The following CTTNBP2NL variants were observed in gnomAD, a reference collection of about 807,000 sequenced individuals.
The protein encoded by CTTNBP2NL is CTTNBP2 N-terminal like.
A neutral mutation model predicts 32.5 loss-of-function variants in CTTNBP2NL; 16 were observed. The ratio of observed to expected loss-of-function variants is 0.49; its 90% CI spans 0.33 to 0.75. The LOEUF (loss-of-function observed/expected upper bound fraction) is 0.75, where lower values mean the gene tolerates loss of function less well. CTTNBP2NL is among the 30% of genes least tolerant of loss of function. The pLI is 0.02. For missense variants in CTTNBP2NL, 645 were observed against 756.0 expected (o/e 0.85, Z 1.72); for synonymous variants, 298 against 289.4 (o/e 1.03, Z -0.30).
intron 3 of CTTNBP2NL, among the ~76,000 whole-genome samples, chr1:112,434,097 A>G (rs1248114119): frequency 6.6e-6 from 1 of 152,188 alleles, no homozygotes; most frequent in Non-Finnish European, 1.5e-5. Flanking sequence ...ATACATAAAA[A>G]GATATTTCCT....
chr1:112,398,667 A>G (rs1267386049), intron 1 of CTTNBP2NL, among the ~76,000 whole-genome samples: 1 of 151,918 alleles, frequency 6.6e-6, no homozygotes, highest in Non-Finnish European at 1.5e-5. Context: ...TCTGTGAGGC[A>G]GGGTGTGGTG....
chr1:112,447,223 A>G (rs1344215417), intron 3 of CTTNBP2NL, among the ~76,000 whole-genome samples: 78 of 148,482 alleles, frequency 5.3e-4, no homozygotes, highest in African/African-American at 1.9e-3. Context: ...GCAGTGAGCC[A>G]AGATTGTGCC....
chr1:112,416,292 T>C lies in CTTNBP2NL; in HGVS notation c.99+28T>C, dbSNP rs17030277. 3,417 of 1,057,326 alleles carry C rather than the reference T, an allele frequency of 3.2e-3. 76 individuals are homozygous for C. In the African/African-American group the frequency reaches 0.047, roughly 15 times the overall value. 65.5% of individuals were successfully genotyped at this position (1,057,326 alleles called of 1,614,324 possible). ...ATGTTAAAAGAAAAAAAAAAAGAGG[T>C]CATCATACATTGTGAAAGTCATTCA... On this transcript the variant is annotated intron_variant, in intron 3 of 5. Transcript: ENST00000271277.
At chr1:112,403,781 T>A (rs1361362557) in intron 1 of CTTNBP2NL, among the ~76,000 whole-genome samples, 4 of 152,180 alleles carry the variant, frequency 2.6e-5, no homozygotes, top group Non-Finnish European at 4.4e-5. Flanking sequence ...GCAGATACAA[T>A]TGGCTTGAAC....
chr1:112,436,261 T>G (rs1649727689), intron 3 of CTTNBP2NL, among the ~76,000 whole-genome samples: 1 of 152,188 alleles, frequency 6.6e-6, no homozygotes, highest in African/African-American at 2.4e-5. Context: ...GACAAATGAC[T>G]GACATCTTCA....
chr1:112,428,955 A>G (rs1649482432), intron 3 of CTTNBP2NL, among the ~76,000 whole-genome samples: 1 of 152,206 alleles, frequency 6.6e-6, no homozygotes, highest in Non-Finnish European at 1.5e-5. Context: ...TGAGACTGGA[A>G]ATAAGATTTA....
chr1:112,460,128 A>G lies in CTTNBP2NL; in HGVS notation c.*2716A>G, dbSNP rs1650507128. 1 of 152,240 alleles carries G rather than the reference A, an allele frequency of 6.6e-6. No individual in the cohort carries two copies. The highest frequency in any genetic ancestry group is 2.1e-4 in the South Asian group (1 of 4,834). 9.4% of individuals were successfully genotyped at this position (152,240 alleles called of 1,614,324 possible). A position where few individuals can be genotyped will look rare whatever the true frequency, so the allele number is the denominator to read the frequency against. On this transcript the variant is annotated 3_prime_UTR_variant, in exon 6 of 6. Transcript: ENST00000271277. ...CCAACAGATTGTAATGATGTGTACC[A>G]TATAACACAAGCATTAACTAGGCAT... is the stretch of plus-strand genomic sequence containing the variant.
chr1:112,443,714 C>T (rs1649960736), intron 3 of CTTNBP2NL, among the ~76,000 whole-genome samples: 1 of 152,062 alleles, frequency 6.6e-6, no homozygotes, highest in Non-Finnish European at 1.5e-5. Context: ...GTACTATTTT[C>T]CAAAAAATAA....
chr1:112,400,966 CAAAAA>C (rs56784970), intron 1 of CTTNBP2NL, among the ~76,000 whole-genome samples: 5 of 102,876 alleles, frequency 4.9e-5, no homozygotes, highest in African/African-American at 1.6e-4. Flanking sequence ...ACTCTGTCAC[CAAAAA>C]AAAAAAAAAA....
At chr1:112,444,925 A>G (rs1057430005) in intron 3 of CTTNBP2NL, among the ~76,000 whole-genome samples, 3 of 152,162 alleles carry the variant, frequency 2.0e-5, no homozygotes, top group African/African-American at 7.2e-5. Context: ...CCCCAAATTT[A>G]CCAGAGTTGG....
intron 1 of CTTNBP2NL, among the ~76,000 whole-genome samples, chr1:112,408,908 C>CT (rs1338327040): frequency 6.6e-6 from 1 of 152,098 alleles, no homozygotes; most frequent in Non-Finnish European, 1.5e-5. Flanking sequence ...GGGCGAATCA[C>CT]TTGAGGTCAG....
In CTTNBP2NL at chr1:112,430,520, G is replaced by A. The variant is rs974595987; in HGVS notation, c.99+14256G>A. ...TCCAGAGTGCTGGGATTACAGGCGTGAGCCACCGCACCAGGCCATAGCTAG... is the reference window on the plus strand; with the variant it reads ...TCCAGAGTGCTGGGATTACAGGCGTAAGCCACCGCACCAGGCCATAGCTAG... On this transcript the variant is annotated intron_variant, in intron 3 of 5. Transcript: ENST00000271277. Among the ~76,000 whole-genome samples, 10 of 147,822 alleles carry A rather than the reference G, an allele frequency of 6.8e-5. No homozygotes were observed. In the Admixed American group the frequency reaches 6.9e-4, roughly 10 times the overall value.
At chr1:112,414,416 A>G (rs1342720515) in intron 2 of CTTNBP2NL, among the ~76,000 whole-genome samples, 3 of 152,222 alleles carry the variant, frequency 2.0e-5, no homozygotes, top group Admixed American at 6.5e-5. Context: ...ATGTTTTACT[A>G]TGCTTTAAAA....
intron 3 of CTTNBP2NL, among the ~76,000 whole-genome samples, chr1:112,442,926 G>GC (rs1304264673): frequency 6.6e-6 from 1 of 151,920 alleles, no homozygotes; most frequent in Non-Finnish European, 1.5e-5. Context: ...TCTGACCTCA[G>GC]GTGATCACCT....
In CTTNBP2NL at chr1:112,456,181, A is replaced by T. The variant is rs754657757; in HGVS notation, c.689A>T (p.Gln230Leu). Residue 230 changes from glutamine to leucine, a missense_variant, in exon 6 of 6, where the codon CAG (glutamine) becomes CTG (leucine). Transcript: ENST00000271277. The part of the protein sequence containing the change: ...ELAAERKRGL[Q>L]TEAQVEKQLS... ...GCAGCTGAGAGAAAGAGAGGCTTGC[A>T]GACTGAGGCCCAGGTAGAGAAGCAG... 6.2e-7 allele frequency: 1 copy of T among 1,614,198 alleles called. No individual in the cohort carries two copies. The highest frequency in any genetic ancestry group is 1.1e-5 in the South Asian group (1 of 91,084).
intron 1 of CTTNBP2NL, among the ~76,000 whole-genome samples, chr1:112,400,212 A>G (rs1648452243): frequency 1.3e-5 from 2 of 152,244 alleles, no homozygotes; most frequent in South Asian, 4.1e-4. Flanking sequence ...AATTATTTAC[A>G]ACACAGACTT....
At chr1:112,422,264 T>A (rs1301134870) in intron 3 of CTTNBP2NL, among the ~76,000 whole-genome samples, 1 of 152,222 alleles carries the variant, frequency 6.6e-6, no homozygotes, top group East Asian at 1.9e-4. Context: ...CCTGGCTTCT[T>A]TCACTCAGCA....
At chr1:112,396,503 C>T (rs1049302788) in intron 1 of CTTNBP2NL, 1 of 152,356 alleles carries the variant, frequency 6.6e-6, no homozygotes, top group Admixed American at 6.5e-5. Context: ...TTCCCAGCTC[C>T]TCAGAAGGGG....
intron 3 of CTTNBP2NL, among the ~76,000 whole-genome samples, chr1:112,433,570 C>T (rs944763986): frequency 8.5e-5 from 13 of 152,254 alleles, no homozygotes; most frequent in Admixed American, 6.5e-4. Context: ...GCAGCTCGGG[C>T]GACAGAGCAA....
Sources: allele counts gnomAD v4.1 joint callset (sites outside exome capture counted in the v4.1 genomes callset), GRCh38; gene constraint gnomAD v4.1.1; transcripts MANE v1.5; gene names NCBI Gene and HGNC (gene_info 2026-07-23, HGNC 2026-07-21).